The following NDST3 variants were observed in gnomAD, a reference collection of about 807,000 sequenced individuals.
NDST3 encodes the protein bifunctional heparan sulfate N-deacetylase/N-sulfotransferase 3.
NDST3 carries 58 observed loss-of-function variants against 96.1 expected under a neutral mutation model. That is an observed-to-expected ratio of 0.60 (90% CI 0.49 to 0.75). The LOEUF (loss-of-function observed/expected upper bound fraction) is 0.75. Ranked by LOEUF, NDST3 falls within the 30% of genes least tolerant of loss-of-function variation. The pLI is 0.00. For synonymous variants in NDST3, 333 were observed against 359.7 expected, an observed-to-expected ratio of 0.93 and a Z score of 0.84; for missense variants, 788 against 1,034.2, an observed-to-expected ratio of 0.76 and a Z score of 3.27.
chr4:118,084,530 T>G (rs1479564365), intron 2 of NDST3, among the ~76,000 whole-genome samples: 1 of 152,196 alleles, frequency 6.6e-6, no homozygotes, highest in East Asian at 1.9e-4. Flanking sequence ...TCTCAGGAAC[T>G]TTAATGACAG....
Position 118,054,164 on chromosome 4 carries a change from A to G in NDST3, c.254A>G (p.Glu85Gly). The G allele has an allele frequency of 6.2e-7, 1 of 1,613,130 alleles. No individual in the cohort carries two copies. ...GACCCCACAGTCCTAGTATTTGTAG[A>G]GAGCCAGTACTCATCTCTTGGTCAA... ...RTDPTVLVFV[E>G]SQYSSLGQDI... is the part of the protein sequence containing the mutation. The change falls in exon 2 of 14, where the codon GAG becomes GGG. Residue 85 changes from glutamate to glycine, a missense_variant. Transcript: ENST00000296499.
At chr4:118,162,232 C>A (rs1056984380) in intron 6 of NDST3, among the ~76,000 whole-genome samples, 1 of 152,080 alleles carries the variant, frequency 6.6e-6, no homozygotes, top group African/African-American at 2.4e-5. Flanking sequence ...ACTTTCTTCA[C>A]AGAATTGGAA....
intron 2 of NDST3, among the ~76,000 whole-genome samples, chr4:118,057,412 TATA>T (rs1246580773): frequency 6.6e-6 from 1 of 152,012 alleles, no homozygotes; most frequent in Non-Finnish European, 1.5e-5. Context: ...TTCATCATCC[TATA>T]GGGAATCATT....
intron 6 of NDST3, among the ~76,000 whole-genome samples, chr4:118,162,240 G>GA (rs1353879095): frequency 6.6e-6 from 1 of 152,022 alleles, no homozygotes; most frequent in African/African-American, 2.4e-5. Context: ...CACAGAATTG[G>GA]AAAAAACTAC....
chr4:118,111,704 A>T (rs10004800), intron 3 of NDST3, among the ~76,000 whole-genome samples: 4,385 of 150,698 alleles, frequency 0.029, 232 homozygotes, highest in African/African-American at 0.1. Flanking sequence ...GCCTGGCAAA[A>T]TTTTTTTTGT....
chr4:118,070,342 T>G (rs909923812), intron 2 of NDST3, among the ~76,000 whole-genome samples: 2 of 152,092 alleles, frequency 1.3e-5, no homozygotes, highest in Non-Finnish European at 2.9e-5. Flanking sequence ...CCATCCTTCC[T>G]CCACATGGTA....
intron 2 of NDST3, among the ~76,000 whole-genome samples, chr4:118,088,797 T>C (rs901114322): frequency 6.6e-6 from 1 of 152,008 alleles, no homozygotes; most frequent in Non-Finnish European, 1.5e-5. Flanking sequence ...GATAGTAACT[T>C]TCTTGACAGT....
At chr4:118,245,226 C>T (rs1282023344) in intron 12 of NDST3, among the ~76,000 whole-genome samples, 2 of 152,122 alleles carry the variant, frequency 1.3e-5, no homozygotes. Context: ...GCCATCAATG[C>T]CAATGACAGA....
intron 2 of NDST3, among the ~76,000 whole-genome samples, chr4:118,077,063 T>C (rs1032920372): frequency 2.0e-5 from 3 of 152,222 alleles, no homozygotes; most frequent in Non-Finnish European, 4.4e-5. Flanking sequence ...CAAGGCTCAG[T>C]TCAGCAATCT....
intron 2 of NDST3, among the ~76,000 whole-genome samples, chr4:118,102,344 C>A (rs1729829919): frequency 1.3e-5 from 2 of 152,012 alleles, no homozygotes; most frequent in South Asian, 4.1e-4. Flanking sequence ...TGTGCCTCTT[C>A]AGACAATCGT....
chr4:118,186,535 G>A (rs1829911), intron 6 of NDST3, among the ~76,000 whole-genome samples: 7,551 of 152,194 alleles, frequency 0.05, 373 homozygotes, highest in African/African-American at 0.12. Context: ...GAGAGGCTAA[G>A]CCAGTCTGAT....
chr4:118,140,911 C>A (rs1435955940), intron 5 of NDST3, among the ~76,000 whole-genome samples: 1 of 152,118 alleles, frequency 6.6e-6, no homozygotes, highest in Non-Finnish European at 1.5e-5. Flanking sequence ...AGGACACAAA[C>A]CCTAACCATA....
chr4:118,102,507 A>G (rs1729844513), intron 2 of NDST3, among the ~76,000 whole-genome samples: 1 of 152,154 alleles, frequency 6.6e-6, no homozygotes, highest in African/African-American at 2.4e-5. Flanking sequence ...GACATGTTGC[A>G]TATACAGAAT....
chr4:118,194,857 T>G, intron 6 of NDST3: 1 of 303,998 alleles, frequency 3.3e-6, no homozygotes, highest in Non-Finnish European at 6.1e-6. Context: ...GGTGCTGTGG[T>G]GCTGACTGCG....
chr4:118,051,075 C>T (rs1725047940), intron 1 of NDST3, among the ~76,000 whole-genome samples: 1 of 152,118 alleles, frequency 6.6e-6, no homozygotes, highest in African/African-American at 2.4e-5. Flanking sequence ...CACACACCTA[C>T]AATCATCTGA....
At chr4:118,048,583 T>C (rs1385324641) in intron 1 of NDST3, among the ~76,000 whole-genome samples, 1 of 152,188 alleles carries the variant, frequency 6.6e-6, no homozygotes, top group Non-Finnish European at 1.5e-5. Flanking sequence ...GCTATTCTTA[T>C]ATTAGATAAA....
At chr4:118,063,228 C>A (rs1726044721) in intron 2 of NDST3, among the ~76,000 whole-genome samples, 1 of 151,178 alleles carries the variant, frequency 6.6e-6, no homozygotes, top group Non-Finnish European at 1.5e-5. Context: ...ATGAATCCAA[C>A]CCACGCATGA....
chr4:118,178,198 T>G (rs1398749431), intron 6 of NDST3, among the ~76,000 whole-genome samples: 1 of 152,048 alleles, frequency 6.6e-6, no homozygotes, highest in Non-Finnish European at 1.5e-5. Context: ...ACACATAATG[T>G]AAAATTTATC....
At chr4:118,192,584 G>A (rs1289028907) in intron 6 of NDST3, among the ~76,000 whole-genome samples, 1 of 152,114 alleles carries the variant, frequency 6.6e-6, no homozygotes, top group Non-Finnish European at 1.5e-5. Context: ...TCAAAAATGA[G>A]TTTACTGTAG....
Sources: allele counts gnomAD v4.1 joint callset (sites outside exome capture counted in the v4.1 genomes callset), GRCh38; gene constraint gnomAD v4.1.1; transcripts MANE v1.5; gene names NCBI Gene and HGNC (gene_info 2026-07-23, HGNC 2026-07-21).